The following FSHR variants were observed in gnomAD, a reference collection of about 807,000 sequenced individuals.
FSHR encodes follicle-stimulating hormone receptor.
FSHR carries 46 observed loss-of-function variants against 52.1 expected under a neutral mutation model. The ratio of observed to expected loss-of-function variants is 0.88; its 90% confidence interval spans 0.70 to 1.13. The LOEUF is 1.13. Among genes scored for constraint, FSHR ranks in the 50% most tolerant of loss-of-function variants. FSHR has a pLI of 0.00. For missense variants in FSHR, 964 were observed against 834.6 expected, an observed-to-expected ratio of 1.16 and a Z score of -1.91; for synonymous variants, 399 against 309.6, an observed-to-expected ratio of 1.29 and a Z score of -3.03.
intron 1 of FSHR, among the ~76,000 whole-genome samples, chr2:49,071,201 T>A (rs559102545): frequency 3.7e-4 from 56 of 152,248 alleles, no homozygotes; most frequent in Middle Eastern, 3.4e-3. Flanking sequence ...ATAAAAGATA[T>A]AAATCCTCAG....
Position 48,963,679 on chromosome 2 carries a change from A to T in FSHR, c.1142T>A (p.Ile381Asn). The T allele has an allele frequency of 1.2e-6, 2 of 1,614,140 alleles. No individual in the cohort carries two copies. The highest frequency in any genetic ancestry group is 1.7e-6 in the Non-Finnish European group (2 of 1,180,010). ...GGTAGTTAGGATCACTAGCACTATG[A>T]TGTTCCCAGTGATGGCCAGGATGCT... Reference protein sequence around the residue: ...FISILAITGNIIVLVILTTSQ... With the variant: ...FISILAITGNNIVLVILTTSQ... Residue 381 changes from isoleucine (I) to asparagine (N), a missense_variant, in exon 10 of 10, where the codon ATC becomes AAC. By Grantham distance (149) the Ile-to-Asn change is moderately radical (BLOSUM62 -3). Transcript: ENST00000406846.
intron 1 of FSHR, among the ~76,000 whole-genome samples, chr2:49,101,220 G>T (rs1671014578): frequency 6.6e-6 from 1 of 152,140 alleles, no homozygotes; most frequent in African/African-American, 2.4e-5. Context: ...AGAGATGTTG[G>T]AGGGTAGCTA....
At chr2:48,972,138 A>T (rs1017154541) in intron 8 of FSHR, among the ~76,000 whole-genome samples, 1 of 152,168 alleles carries the variant, frequency 6.6e-6, no homozygotes, top group Non-Finnish European at 1.5e-5. Flanking sequence ...GGCCTTCCTG[A>T]TATTTTCTGA....
chr2:48,969,880 G>A (rs994576568), intron 8 of FSHR, among the ~76,000 whole-genome samples: 8 of 152,198 alleles, frequency 5.3e-5, no homozygotes, highest in African/African-American at 9.7e-5. Context: ...ACCGGCTGGT[G>A]AGAACAAGGA....
chr2:49,137,544 G>A (rs1672529859), intron 1 of FSHR, among the ~76,000 whole-genome samples: 1 of 151,980 alleles, frequency 6.6e-6, no homozygotes, highest in Non-Finnish European at 1.5e-5. Context: ...CATCCTGAAG[G>A]AGAACAAAGT....
intron 2 of FSHR, among the ~76,000 whole-genome samples, chr2:49,023,247 T>G (rs1413015774): frequency 6.6e-6 from 1 of 152,194 alleles, no homozygotes; most frequent in East Asian, 1.9e-4. Context: ...CACAACCATG[T>G]TTTGTCGTTG....
intron 1 of FSHR, among the ~76,000 whole-genome samples, chr2:49,072,471 T>C (rs1669773452): frequency 6.6e-6 from 1 of 152,092 alleles, no homozygotes; most frequent in South Asian, 2.1e-4. Flanking sequence ...TCCAATACAA[T>C]AAACTACTAA....
intron 4 of FSHR, among the ~76,000 whole-genome samples, chr2:49,014,347 G>T (rs1329282279): frequency 6.6e-6 from 1 of 152,106 alleles, no homozygotes; most frequent in Non-Finnish European, 1.5e-5. Flanking sequence ...TTGTGAACTT[G>T]ATACAGGACT....
intron 1 of FSHR, among the ~76,000 whole-genome samples, chr2:49,127,514 C>T (rs1672048738): frequency 7.8e-6 from 1 of 128,842 alleles, no homozygotes; most frequent in African/African-American, 2.8e-5. Flanking sequence ...CAATGACCAC[C>T]ACAATACACA....
At chr2:49,106,564 C>T (rs1278748309) in intron 1 of FSHR, among the ~76,000 whole-genome samples, 1 of 152,112 alleles carries the variant, frequency 6.6e-6, no homozygotes, top group Admixed American at 6.6e-5. Context: ...ATATTTTACC[C>T]TATTCTGTTC....
At chr2:49,092,885 C>T (rs1200622814) in intron 1 of FSHR, among the ~76,000 whole-genome samples, 1 of 152,114 alleles carries the variant, frequency 6.6e-6, no homozygotes, top group African/African-American at 2.4e-5. Context: ...AGGCTGGTCT[C>T]GAACTCCTGA....
intron 1 of FSHR, among the ~76,000 whole-genome samples, chr2:49,135,991 C>CGCCCCACATAGTTTA (rs1011742744): frequency 2.0e-5 from 3 of 151,352 alleles, no homozygotes; most frequent in Admixed American, 1.3e-4. Flanking sequence ...ACATAAAAGT[C>CGCCCCACATAGTTTA]GCCCCACATA....
chr2:49,040,395 C>A lies in FSHR; in HGVS notation c.225-20235G>T, dbSNP rs56683595. 3.4e-3 allele frequency among the ~76,000 whole-genome samples: 516 copies of A among 152,220 alleles called. 3 individuals carry two copies. Among genetic ancestry groups the A allele is most frequent in the African/African-American group, 0.012 (503 of 41,526 alleles). Reference sequence around the variant, plus strand: ...CTCCCTGACCACCTCCAGAACTTATCATCTTAATTTCTATATAAGTTACTC... The same window carrying A: ...CTCCCTGACCACCTCCAGAACTTATAATCTTAATTTCTATATAAGTTACTC... On this transcript the variant is annotated intron_variant, in intron 2 of 9. Coordinates refer to ENST00000406846, the MANE Select transcript of FSHR (RefSeq NM_000145.4).
intron 1 of FSHR, among the ~76,000 whole-genome samples, chr2:49,131,996 C>A (rs1185392897): frequency 1.3e-5 from 2 of 152,154 alleles, no homozygotes; most frequent in African/African-American, 4.8e-5. Context: ...TATCACGTGA[C>A]AACTTGAAAA....
At chr2:48,979,807 G>T (rs6745895) in intron 8 of FSHR, among the ~76,000 whole-genome samples, 126,221 of 146,412 alleles carry the variant, frequency 0.86, 53,820 homozygotes, top group East Asian at 0.92. Flanking sequence ...CACAGTCTTT[G>T]TGTGTGTGTG....
At chr2:49,103,964 G>T (rs1671131691) in intron 1 of FSHR, among the ~76,000 whole-genome samples, 1 of 134,708 alleles carries the variant, frequency 7.4e-6, no homozygotes, top group Non-Finnish European at 1.6e-5. Flanking sequence ...TTGTGACTAG[G>T]TGGGCTATGT....
intron 2 of FSHR, among the ~76,000 whole-genome samples, chr2:49,021,878 TATATATATAGAGAGAGAGAGAGAGAG>T (rs1667727246): frequency 1.3e-4 from 8 of 60,852 alleles, no homozygotes; most frequent in African/African-American, 5.5e-4. Context: ...TATATATATA[TATATATATAGAGAGAGAGAGAGAGAG>T]AGAGAGAGAG....
chr2:49,038,725 G>C (rs1373340513), intron 2 of FSHR, among the ~76,000 whole-genome samples: 1 of 150,900 alleles, frequency 6.6e-6, no homozygotes, highest in Non-Finnish European at 1.5e-5. Context: ...GAACAAAAAC[G>C]ATGTAGAAAA....
At chr2:49,050,429 A>G (rs947448115) in intron 2 of FSHR, among the ~76,000 whole-genome samples, 1 of 152,200 alleles carries the variant, frequency 6.6e-6, no homozygotes, top group Non-Finnish European at 1.5e-5. Flanking sequence ...CCAAGGGCTT[A>G]GGCACAGACA....
Sources: allele counts gnomAD v4.1 joint callset (sites outside exome capture counted in the v4.1 genomes callset), GRCh38; gene constraint gnomAD v4.1.1; transcripts MANE v1.5; gene names NCBI Gene and HGNC (gene_info 2026-07-23, HGNC 2026-07-21).